GNA12: variants seen among roughly 807,000 people sequenced by gnomAD.
The protein encoded by GNA12 is G protein subunit alpha 12, also known as guanine nucleotide-binding protein subunit alpha-12.
GNA12 carries 9 observed loss-of-function variants against 26.0 expected under a neutral mutation model. The ratio of observed to expected loss-of-function variants is 0.35; its 90% CI spans 0.21 to 0.60. The LOEUF is 0.60. Among genes scored for constraint, GNA12 ranks in the 20% least tolerant of loss-of-function variants. The probability of loss-of-function intolerance (pLI) is 0.78; values close to 1 mark genes in which losing one functional copy is unlikely to be tolerated. For missense variants in GNA12, 405 were observed against 525.8 expected (o/e 0.77, Z 2.25); for synonymous variants, 264 against 219.6 (o/e 1.20, Z -1.79).
chr7:2,839,071 A>T (rs906265296), intron 1 of GNA12, among the ~76,000 whole-genome samples: 1 of 152,212 alleles, frequency 6.6e-6, no homozygotes, highest in Non-Finnish European at 1.5e-5. Context: ...TCATGTACTT[A>T]CGGGATGTTC....
At chr7:2,745,277 A>C (rs545831530) in intron 2 of GNA12, among the ~76,000 whole-genome samples, 1 of 152,224 alleles carries the variant, frequency 6.6e-6, no homozygotes, top group Non-Finnish European at 1.5e-5. Flanking sequence ...GAGAAAGGTC[A>C]GGTTACCCAC....
intron 1 of GNA12, among the ~76,000 whole-genome samples, chr7:2,806,617 T>C (rs889553216): frequency 3.9e-5 from 6 of 152,214 alleles, no homozygotes; most frequent in African/African-American, 1.4e-4. Context: ...AAATAACTTA[T>C]TAACATCTAG....
chr7:2,808,602 C>A (rs1242108211), intron 1 of GNA12, among the ~76,000 whole-genome samples: 1 of 152,226 alleles, frequency 6.6e-6, no homozygotes, highest in Admixed American at 6.5e-5. Context: ...ATCCTGAGGT[C>A]TGGCCCAGCC....
chr7:2,771,215 T>G (rs1205080215), intron 2 of GNA12, among the ~76,000 whole-genome samples: 2 of 152,168 alleles, frequency 1.3e-5, no homozygotes, highest in Admixed American at 1.3e-4. Context: ...CGCTTGAACC[T>G]GGGAGGTGGA....
intron 2 of GNA12, among the ~76,000 whole-genome samples, chr7:2,789,904 T>A (rs778628712): frequency 6.6e-6 from 1 of 152,202 alleles, no homozygotes; most frequent in African/African-American, 2.4e-5. Context: ...TAGCTCACAG[T>A]GCACATAAAG....
At chr7:2,762,614 C>G (rs774372084) in intron 2 of GNA12, 1 of 1,539,216 alleles carries the variant, frequency 6.5e-7, no homozygotes, top group African/African-American at 1.4e-5. Flanking sequence ...AATCCCCTTC[C>G]GGATAAGACC....
At chr7:2,843,223 A>G (rs1006322875) in intron 1 of GNA12, among the ~76,000 whole-genome samples, 3 of 152,294 alleles carry the variant, frequency 2.0e-5, no homozygotes, top group South Asian at 2.1e-4. Flanking sequence ...CAAATCTTCC[A>G]GTGGGAAATG....
intron 1 of GNA12, among the ~76,000 whole-genome samples, chr7:2,807,737 G>A (rs1792983085): frequency 6.6e-6 from 1 of 152,186 alleles, no homozygotes; most frequent in East Asian, 1.9e-4. Context: ...AATTACTACT[G>A]CAGAAAATAA....
intron 2 of GNA12, among the ~76,000 whole-genome samples, chr7:2,749,897 A>G (rs1790944842): frequency 6.6e-6 from 1 of 152,204 alleles, no homozygotes; most frequent in South Asian, 2.1e-4. Context: ...AATGAGGTGC[A>G]GGCATCTTTG....
At chr7:2,736,114 A>G (rs1790161578) in intron 2 of GNA12, among the ~76,000 whole-genome samples, 1 of 152,228 alleles carries the variant, frequency 6.6e-6, no homozygotes, top group Admixed American at 6.5e-5. Flanking sequence ...TTACAATCCC[A>G]TGCATTTTCA....
At position 2,736,239 on chromosome 7, in the gene GNA12, C is replaced by T. The variant is rs376667765; in HGVS notation, c.526-2738G>A. Reference sequence around the variant, plus strand: ...TAAAGAGGCACTGTGCCTGCCAAGACGAGCCCAGAGTCCTCTCAACGGCTG... The same window carrying T: ...TAAAGAGGCACTGTGCCTGCCAAGATGAGCCCAGAGTCCTCTCAACGGCTG... On this transcript the variant is annotated intron_variant, in intron 2 of 3. Coordinates refer to ENST00000275364, the MANE Select transcript of GNA12 (RefSeq NM_007353.3). Among the ~76,000 whole-genome samples, 3 of 152,172 alleles carry T rather than the reference C, an allele frequency of 2.0e-5. No individual in the cohort carries two copies. The South Asian group carries it at 6.2e-4, about 31-fold the overall frequency.
At chr7:2,763,172 G>C in intron 2 of GNA12, 4 of 968,488 alleles carry the variant, frequency 4.1e-6, no homozygotes, top group Non-Finnish European at 5.1e-6. Context: ...GAGGTTAGCA[G>C]GACTTCACAA....
At chr7:2,749,637 T>C (rs1790930542) in intron 2 of GNA12, among the ~76,000 whole-genome samples, 1 of 151,900 alleles carries the variant, frequency 6.6e-6, no homozygotes, top group Admixed American at 6.6e-5. Context: ...GTTGTGCACA[T>C]GTACCCTAGA....
intron 2 of GNA12, chr7:2,762,862 A>T: frequency 6.8e-7 from 1 of 1,460,456 alleles, no homozygotes; most frequent in Non-Finnish European, 9.1e-7. Context: ...GGAGAGGGCC[A>T]GCTCCGAGCC....
intron 1 of GNA12, among the ~76,000 whole-genome samples, chr7:2,843,250 C>T (rs1469607635): frequency 6.6e-6 from 1 of 152,202 alleles, no homozygotes; most frequent in African/African-American, 2.4e-5. Flanking sequence ...TACCATTCTG[C>T]TAGGGCACAT....
chr7:2,774,286 T>C (rs1792021854), intron 2 of GNA12, among the ~76,000 whole-genome samples: 1 of 152,196 alleles, frequency 6.6e-6, no homozygotes, highest in South Asian at 2.1e-4. Context: ...TGTGTGTATA[T>C]ATATGTAATT....
chr7:2,792,698 A>C (rs1044878856), intron 2 of GNA12, among the ~76,000 whole-genome samples: 13 of 152,214 alleles, frequency 8.5e-5, no homozygotes, highest in African/African-American at 3.1e-4. Context: ...GGAGATTAAA[A>C]TTTCCTTTCT....
chr7:2,731,148 G>A lies in GNA12; in HGVS notation c.*33C>T, dbSNP rs756781419. Reference sequence around the variant, plus strand: ...AGTCTGACCGACAGCCGTGGGGGCTGCTCAACGACGACAAACCCCGGGGCT... The same window carrying A: ...AGTCTGACCGACAGCCGTGGGGGCTACTCAACGACGACAAACCCCGGGGCT... On this transcript the variant is annotated 3_prime_UTR_variant, in exon 4 of 4. Coordinates refer to ENST00000275364, the MANE Select transcript of GNA12 (RefSeq NM_007353.3). The surrounding 1 kb of genome is among the most constrained non-coding windows in gnomAD (Gnocchi z 6.0). 3.4e-6 allele frequency: 5 copies of A among 1,477,992 alleles called. No homozygotes were observed. The Admixed American group carries it at 7.0e-5, about 21-fold the overall frequency. 91.6% of individuals were successfully genotyped at this position (1,477,992 alleles called of 1,614,324 possible). A position where few individuals can be genotyped will look rare whatever the true frequency, so the allele number is the denominator to read the frequency against.
chr7:2,775,173 C>G (rs1004637757), intron 2 of GNA12: 1 of 152,214 alleles, frequency 6.6e-6, no homozygotes, highest in African/African-American at 2.4e-5. Context: ...TCTCAGCTCC[C>G]TAGCTCTCCT....
Sources: gnomAD v4.1 joint callset for allele counts (sites outside exome capture counted in the v4.1 genomes callset) on GRCh38, gnomAD v4.1.1 for gene constraint, Gnocchi (gnomAD v3.1) non-coding constraint, MANE v1.5 for transcripts, NCBI Gene and HGNC (gene_info 2026-07-23, HGNC 2026-07-21) for gene names.